Variants in GPR149 observed in about 807,000 individuals in gnomAD.
GPR149 encodes the protein probable G protein-coupled receptor 149.
In GPR149, 50 loss-of-function variants were observed where a neutral mutation model predicts 50.2. The observed-to-expected ratio is 1.00, with a 90% CI of 0.79 to 1.26. The LOEUF is 1.26. Among genes scored for constraint, GPR149 ranks in the 50% most tolerant of loss-of-function variants. GPR149 has a pLI of 0.00. For synonymous variants in GPR149, 405 were observed against 358.2 expected (o/e 1.13, Z -1.48); for missense variants, 983 against 895.4 (o/e 1.10, Z -1.25).
intron 3 of GPR149, among the ~76,000 whole-genome samples, chr3:154,407,651 A>T (rs1047325907): frequency 5.3e-5 from 8 of 150,632 alleles, no homozygotes; most frequent in Admixed American, 1.3e-4. Context: ...ACACATAAGC[A>T]TATGTGTATA....
chr3:154,385,704 CT>C (rs5853692), intron 3 of GPR149, among the ~76,000 whole-genome samples: 110,280 of 135,984 alleles, frequency 0.81, 44,370 homozygotes, highest in Middle Eastern at 0.9. Flanking sequence ...TTCTTTCTTT[CT>C]TTTTTTTTTT....
intron 3 of GPR149, among the ~76,000 whole-genome samples, chr3:154,357,301 C>G (rs542616800): frequency 2.2e-4 from 33 of 151,938 alleles, no homozygotes; most frequent in Admixed American, 3.9e-4. Context: ...AACACCAAAA[C>G]CAATGGCAAC....
Position 154,429,384 on chromosome 3 carries a change from C to G in GPR149, c.232G>C (p.Asp78His). 2 of 1,614,194 alleles carry G rather than the reference C, an allele frequency of 1.2e-6. No individual in the cohort carries two copies. Among genetic ancestry groups the G allele is most frequent in the Non-Finnish European group, 1.7e-6 (2 of 1,180,038 alleles). Residue 78 changes from aspartate to histidine, a missense_variant, in exon 1 of 4, where the codon GAT (aspartate) becomes CAT (histidine). Coordinates refer to ENST00000389740, the MANE Select transcript of GPR149 (RefSeq NM_001038705.3). ...GTCACCGACAGGACGCTCATGAGAT[C>G]ATCCACAGACCAGGAAGCCACAAGC... ...SMLVASWSVDDLMSVLSVTIF... is the reference protein window; with the variant it reads ...SMLVASWSVDHLMSVLSVTIF...
Position 154,428,705 on chromosome 3 carries a change from A to G in GPR149, c.911T>C (p.Val304Ala). 1 of 1,614,126 alleles carries G rather than the reference A, an allele frequency of 6.2e-7. No individual in the cohort carries two copies. The highest frequency in any genetic ancestry group is 8.5e-7 in the Non-Finnish European group (1 of 1,180,016). ...GTLYGTRSFT[V>A]SVAQKRFALI... is the part of the protein sequence containing the mutation. The stretch of plus-strand genomic sequence containing the variant: ...AGCGAAGCGCTTCTGCGCTACGCTC[A>G]CGGTGAAGCTCCTGGTGCCATAGAG... Residue 304 changes from valine to alanine, a missense_variant, in exon 1 of 4, where the codon GTG (valine) becomes GCG (alanine). Val to Ala is a moderately conservative substitution (Grantham distance 64). Transcript: ENST00000389740.
chr3:154,370,175 T>C (rs1576909898), intron 3 of GPR149, among the ~76,000 whole-genome samples: 1 of 152,316 alleles, frequency 6.6e-6, no homozygotes, highest in South Asian at 2.1e-4. Flanking sequence ...CCATATTCTG[T>C]AGAAGGTCAA....
chr3:154,366,361 C>G (rs1276259343), intron 3 of GPR149, among the ~76,000 whole-genome samples: 1 of 152,172 alleles, frequency 6.6e-6, no homozygotes, highest in Admixed American at 6.5e-5. Context: ...AATCAAAATA[C>G]TTTACTCCAA....
rs542624906 is a variant in GPR149 at position 154,396,369 on chromosome 3, C to A, written c.1623+24670G>T. On this transcript the variant is annotated intron_variant, in intron 3 of 3. Coordinates refer to ENST00000389740, the MANE Select transcript of GPR149 (RefSeq NM_001038705.3). ...ATTATAAATATATCTGTTTAAAATA[C>A]ATTTTCTTTTGATTTATGAATTTTA... is the stretch of plus-strand genomic sequence containing the variant. Among the ~76,000 whole-genome samples the A allele has an allele frequency of 3.3e-5, 5 of 152,176 alleles. No individual in the cohort carries two copies. In the East Asian group the frequency reaches 7.7e-4, roughly 23 times the overall value.
At chr3:154,427,469 T>A in intron 2 of GPR149, 47 bp downstream of exon 2, 1 of 1,518,322 alleles carries the variant, frequency 6.6e-7, no homozygotes, top group Non-Finnish European at 8.9e-7. Flanking sequence ...TTTCTGAAAG[T>A]CACCTAATGC....
chr3:154,412,151 C>G (rs1256266161), intron 3 of GPR149, among the ~76,000 whole-genome samples: 1 of 152,124 alleles, frequency 6.6e-6, no homozygotes, highest in Non-Finnish European at 1.5e-5. Context: ...AGTCCAGCAT[C>G]TCTTTATGAT....
In GPR149 at chr3:154,427,708, T is replaced by G. The variant is rs1355371636; in HGVS notation, c.982A>C (p.Met328Leu). The change falls in exon 2 of 4, where the codon ATG becomes CTG. Residue 328 changes from methionine to leucine, a missense_variant and splice_region_variant. Met to Leu is a conservative substitution (Grantham distance 15, BLOSUM62 2). Coordinates refer to ENST00000389740, the MANE Select transcript of GPR149 (RefSeq NM_001038705.3). ...ACGACGTTCTGGACCACCATGTGCATCTGCAAGGGCAAGAGAACTTCAGAC... is the reference window on the plus strand; with the variant it reads ...ACGACGTTCTGGACCACCATGTGCAGCTGCAAGGGCAAGAGAACTTCAGAC... ...TKVVLWLPMM[M>L]HMVVQNVVGF... 1.9e-6 allele frequency: 3 copies of G among 1,609,910 alleles called. No individual in the cohort carries two copies. The highest frequency in any genetic ancestry group is 3.4e-5 in the Admixed American group (2 of 59,292).
intron 3 of GPR149, among the ~76,000 whole-genome samples, chr3:154,366,749 T>G (rs780328104): frequency 3.9e-5 from 6 of 152,222 alleles, no homozygotes; most frequent in Non-Finnish European, 8.8e-5. Context: ...CTGGGCCAAA[T>G]CAAGGTATAC....
rs554893384 is a variant in GPR149, at chr3:154,335,627, A to T, written c.*2072T>A. ...TGGGAATATCCTAATTATTTTTCCA[A>T]TTCCCCCAGTTTAAGCCCTTGTCCA... On this transcript the variant is annotated 3_prime_UTR_variant, in exon 4 of 4. Coordinates refer to ENST00000389740, the MANE Select transcript of GPR149 (RefSeq NM_001038705.3). 1 of 152,248 alleles carries T rather than the reference A, an allele frequency of 6.6e-6. No homozygotes were observed. Among genetic ancestry groups the T allele is most frequent in the African/African-American group, 2.4e-5 (1 of 41,574 alleles). The allele number at this position is 152,248 out of a possible 1,614,324, so 9.4% of individuals were successfully genotyped here.
intron 3 of GPR149, among the ~76,000 whole-genome samples, chr3:154,395,836 T>A (rs1715280732): frequency 6.6e-6 from 1 of 152,158 alleles, no homozygotes; most frequent in Admixed American, 6.6e-5. Context: ...CCAAATGTGA[T>A]TTCTTTATAG....
chr3:154,391,392 T>C (rs1012555267), intron 3 of GPR149, among the ~76,000 whole-genome samples: 3 of 151,822 alleles, frequency 2.0e-5, no homozygotes, highest in Non-Finnish European at 2.9e-5. Flanking sequence ...TAAACTGTTA[T>C]GACTATGAGT....
At chr3:154,353,257 T>C (rs1401847164) in intron 3 of GPR149, 2 of 1,457,274 alleles carry the variant, frequency 1.4e-6, no homozygotes, top group African/African-American at 2.8e-5. Context: ...TCCACAGTAG[T>C]TGCAGCCTTT....
At chr3:154,406,929 G>A (rs1459406449) in intron 3 of GPR149, among the ~76,000 whole-genome samples, 1 of 152,336 alleles carries the variant, frequency 6.6e-6, no homozygotes, top group East Asian at 1.9e-4. Flanking sequence ...AGTTCCACAT[G>A]GCTGGGAAGG....
At chr3:154,367,979 G>GGTGTCA (rs1376751312) in intron 3 of GPR149, among the ~76,000 whole-genome samples, 2 of 152,182 alleles carry the variant, frequency 1.3e-5, no homozygotes, top group African/African-American at 4.8e-5. Flanking sequence ...TAAAGACACG[G>GGTGTCA]GTGTCAGGCT....
chr3:154,386,885 T>C (rs549542818), intron 3 of GPR149, among the ~76,000 whole-genome samples: 2 of 152,336 alleles, frequency 1.3e-5, no homozygotes, highest in Admixed American at 6.5e-5. Context: ...TTAAAAATTT[T>C]ATAATAATGT....
At chr3:154,345,291 T>C (rs1380525300) in intron 3 of GPR149, among the ~76,000 whole-genome samples, 1 of 152,210 alleles carries the variant, frequency 6.6e-6, no homozygotes, top group African/African-American at 2.4e-5. Flanking sequence ...TAATAAATGA[T>C]GATAGTTACA....
Sources: allele counts gnomAD v4.1 joint callset (sites outside exome capture counted in the v4.1 genomes callset), GRCh38; gene constraint gnomAD v4.1.1; transcripts MANE v1.5; gene names NCBI Gene and HGNC (gene_info 2026-07-23, HGNC 2026-07-21).